The following PRKN variants were observed in gnomAD, a reference collection of about 807,000 sequenced individuals.
PRKN encodes parkin RBR E3 ubiquitin protein ligase.
Under a neutral mutation model 59.5 loss-of-function variants are expected in PRKN, and 56 were observed. That is an observed-to-expected ratio of 0.94 (90% confidence interval 0.76 to 1.18). PRKN has a LOEUF of 1.18. Among genes scored for constraint, PRKN ranks in the 50% most tolerant of loss-of-function variants. PRKN has a pLI of 0.00. For synonymous variants in PRKN, 250 were observed against 222.1 expected (o/e 1.13, Z -1.12); for missense variants, 657 against 596.4 (o/e 1.10, Z -1.06).
At chr6:162,650,457 G>A (rs1430103301) in intron 1 of PRKN, among the ~76,000 whole-genome samples, 13 of 151,596 alleles carry the variant, frequency 8.6e-5, no homozygotes, top group Non-Finnish European at 1.6e-4. Context: ...AATTAGCCGG[G>A]CGTAGTGGCG....
chr6:162,110,722 A>G (rs1001372884), intron 4 of PRKN, among the ~76,000 whole-genome samples: 2 of 152,190 alleles, frequency 1.3e-5, no homozygotes, highest in East Asian at 3.9e-4. Flanking sequence ...TTTGAGTATG[A>G]AACTCACAAG....
chr6:161,881,028 TA>T (rs1391027112), intron 6 of PRKN, among the ~76,000 whole-genome samples: 1 of 152,180 alleles, frequency 6.6e-6, no homozygotes, highest in African/African-American at 2.4e-5. Context: ...TATTTTCATG[TA>T]AAAATGAAAC....
At chr6:162,051,012 G>T (rs1351168850) in intron 5 of PRKN, among the ~76,000 whole-genome samples, 1 of 152,124 alleles carries the variant, frequency 6.6e-6, no homozygotes, top group African/African-American at 2.4e-5. Flanking sequence ...TCCCATATGT[G>T]TTAGGAGTGT....
chr6:162,147,899 T>A (rs1003588077), intron 4 of PRKN, among the ~76,000 whole-genome samples: 3 of 152,100 alleles, frequency 2.0e-5, no homozygotes, highest in African/African-American at 4.8e-5. Context: ...AACTTATCAA[T>A]AAAGAAGTAA....
intron 7 of PRKN, among the ~76,000 whole-genome samples, chr6:161,713,940 G>C (rs1786860123): frequency 6.6e-6 from 1 of 152,134 alleles, no homozygotes; most frequent in African/African-American, 2.4e-5. Flanking sequence ...ACGCTCTCTT[G>C]CCTGTCACCA....
intron 1 of PRKN, among the ~76,000 whole-genome samples, chr6:162,658,884 G>A (rs1014166350): frequency 6.6e-6 from 1 of 151,994 alleles, no homozygotes; most frequent in African/African-American, 2.4e-5. Context: ...TTAAATGGGT[G>A]CATGTATTTT....
intron 2 of PRKN, among the ~76,000 whole-genome samples, chr6:162,441,306 C>T (rs528860795): frequency 1.9e-4 from 29 of 152,128 alleles, no homozygotes; most frequent in Non-Finnish European, 3.4e-4. Context: ...AAATATAGCC[C>T]ATATTTTATT....
chr6:161,869,104 C>T (rs565272608), intron 6 of PRKN, among the ~76,000 whole-genome samples: 38 of 152,168 alleles, frequency 2.5e-4, no homozygotes, highest in Non-Finnish European at 4.1e-4. Context: ...GATAGCTGGG[C>T]GCGATGGCTT....
intron 2 of PRKN, among the ~76,000 whole-genome samples, chr6:162,424,763 G>T (rs1789145080): frequency 6.6e-6 from 1 of 151,044 alleles, no homozygotes. Context: ...GAAAAGAAAA[G>T]AAATGTACCA....
At chr6:162,097,240 ACTGT>A (rs1286034636) in intron 4 of PRKN, among the ~76,000 whole-genome samples, 2 of 152,144 alleles carry the variant, frequency 1.3e-5, no homozygotes, top group Non-Finnish European at 2.9e-5. Context: ...AAAAGTTAAA[ACTGT>A]CTGTCAAAAT....
chr6:161,694,010 G>C (rs1583016125), intron 7 of PRKN, among the ~76,000 whole-genome samples: 4 of 152,206 alleles, frequency 2.6e-5, no homozygotes, highest in Admixed American at 2.6e-4. Flanking sequence ...AAGACAGAAA[G>C]GAAAAAGAAA....
Position 161,463,114 on chromosome 6 carries a change from G to GT in PRKN, c.1084-76238dup, listed in dbSNP as rs1347486427. ...TGAGCACCAAGGGGTTCCAAGGTCA[G>GT]TGTGAGCCCTTCTGGCTGGAGTGGT... On this transcript the variant is annotated intron_variant, in intron 9 of 11. Coordinates refer to ENST00000366898, the MANE Select transcript of PRKN (RefSeq NM_004562.3). This position sits in a 1 kb window ranked among gnomAD's most constrained non-coding sequence, Gnocchi z 4.8. Among the ~76,000 whole-genome samples, 4 of 152,218 alleles carry GT rather than the reference G, an allele frequency of 2.6e-5. No individual in the cohort carries two copies. Among genetic ancestry groups the GT allele is most frequent in the African/African-American group, 9.7e-5 (4 of 41,450 alleles).
At chr6:162,397,163 G>T (rs532298123) in intron 2 of PRKN, among the ~76,000 whole-genome samples, 1 of 152,234 alleles carries the variant, frequency 6.6e-6, no homozygotes, top group South Asian at 2.1e-4. Context: ...GTCACCAAGA[G>T]GACACAGCTG....
intron 1 of PRKN, among the ~76,000 whole-genome samples, chr6:162,546,575 C>G (rs576528197): frequency 1.3e-5 from 2 of 151,948 alleles, no homozygotes; most frequent in African/African-American, 4.8e-5. Flanking sequence ...TCCCAAGTAG[C>G]TGGGATTACA....
At chr6:162,609,552 T>C (rs192068415) in intron 1 of PRKN, among the ~76,000 whole-genome samples, 2 of 152,330 alleles carry the variant, frequency 1.3e-5, no homozygotes, top group Admixed American at 6.5e-5. Context: ...TGATATCAAA[T>C]TGACTGTGCA....
intron 9 of PRKN, among the ~76,000 whole-genome samples, chr6:161,541,372 C>A: frequency 6.6e-6 from 1 of 152,232 alleles, no homozygotes; most frequent in East Asian, 1.9e-4. Flanking sequence ...ATGCTCTCCA[C>A]ACAGAAACAA....
At position 161,457,798 on chromosome 6, in the gene PRKN, CAT is replaced by C. The variant is rs1442059691; in HGVS notation, c.1084-70923_1084-70922del. 3.5e-4 allele frequency among the ~76,000 whole-genome samples: 54 copies of C among 152,324 alleles called. No homozygotes were observed. The highest frequency in any genetic ancestry group is 1.2e-4 in the Non-Finnish European group (8 of 68,022). ...TGTTACCACACTCTTAATATGAAAACATGTGTGATAAGAAGTCCAACATTTTG... is the reference window on the plus strand; with the variant it reads ...TGTTACCACACTCTTAATATGAAAACGTGTGATAAGAAGTCCAACATTTTG... On this transcript the variant is annotated intron_variant, in intron 9 of 11. Coordinates refer to ENST00000366898, the MANE Select transcript of PRKN (RefSeq NM_004562.3). This position sits in a 1 kb window ranked among gnomAD's most constrained non-coding sequence, Gnocchi z 5.0.
At chr6:162,287,600 T>C (rs145739301) in intron 2 of PRKN, among the ~76,000 whole-genome samples, 6 of 152,100 alleles carry the variant, frequency 3.9e-5, no homozygotes, top group Admixed American at 6.5e-5. Flanking sequence ...AATGAAATTA[T>C]GAACATAAGA....
Position 161,369,697 on chromosome 6 carries a change from G to A in PRKN, c.1168-9492C>T, listed in dbSNP as rs934827867. 6.6e-6 allele frequency among the ~76,000 whole-genome samples: 1 copy of A among 151,930 alleles called. No individual in the cohort carries two copies. The highest frequency in any genetic ancestry group is 6.6e-5 in the Admixed American group (1 of 15,234). On this transcript the variant is annotated intron_variant, in intron 10 of 11. Transcript: ENST00000366898. The surrounding 1 kb of genome is among the most constrained non-coding windows in gnomAD (Gnocchi z 5.8). ...CGTGGTGGAGGTGGGGGTGGAACAG[G>A]ACAAGTCTCTCTCCTAATATACTTC...
Sources: gnomAD v4.1 joint callset for allele counts (sites outside exome capture counted in the v4.1 genomes callset) on GRCh38, gnomAD v4.1.1 for gene constraint, Gnocchi (gnomAD v3.1) non-coding constraint, MANE v1.5 for transcripts, NCBI Gene and HGNC (gene_info 2026-07-23, HGNC 2026-07-21) for gene names.